HS3ST6: variants seen among roughly 807,000 people sequenced by gnomAD.
The protein encoded by HS3ST6 is heparan sulfate glucosamine 3-O-sulfotransferase 6.
In HS3ST6, 13 loss-of-function variants were observed where a neutral mutation model predicts 11.0. The ratio of observed to expected loss-of-function variants is 1.18; its 90% CI spans 0.77 to 1.88. The LOEUF is 1.88. Among genes scored for constraint, HS3ST6 ranks in the 40% most tolerant of loss-of-function variants. HS3ST6 has a pLI of 0.00. For missense variants in HS3ST6, 541 were observed against 494.4 expected (o/e 1.09, Z -0.89); for synonymous variants, 232 against 230.6 (o/e 1.01, Z -0.06).
chr16:1,912,872 A>T lies in HS3ST6; in HGVS notation c.414-667T>A, dbSNP rs2082900408. ...AGTGGTGCAATCTCGGCTCACTGCA[A>T]CCTCTGCCTCCCGGGTTCAAGCGAT... On this transcript the variant is annotated intron_variant, in intron 1 of 1. Transcript: ENST00000454677. The surrounding 1 kb of genome is among the most constrained non-coding windows in gnomAD (Gnocchi z 5.6). Among the ~76,000 whole-genome samples, 1 of 151,888 alleles carries T rather than the reference A, an allele frequency of 6.6e-6. No homozygotes were observed.
chr16:1,913,553 T>C (rs754416773), intron 1 of HS3ST6, among the ~76,000 whole-genome samples: 17 of 152,036 alleles, frequency 1.1e-4, no homozygotes, highest in Non-Finnish European at 1.6e-4. Context: ...GAGGGAGAGC[T>C]GGGGAGGGCT....
rs371371264 is a variant in HS3ST6, at chr16:1,911,974, G to A, written c.645C>T (p.Pro215=). The part of the protein sequence containing the change: ...RALAFRHGLG[P]VDTAWSAVRI... ...GGACGGCGCTCCAGGCTGTGTCCAC[G>A]GGGCCCAGGCCGTGGCGGAAGGCCA... is the stretch of plus-strand genomic sequence containing the variant. The change falls in exon 2 of 2, where the codon CCC becomes CCT. Residue 215 remains proline, a synonymous_variant. Coordinates refer to ENST00000454677, the MANE Select transcript of HS3ST6 (RefSeq NM_001009606.4). 1.4e-5 allele frequency: 22 copies of A among 1,556,258 alleles called. No homozygotes were observed. In the East Asian group the frequency reaches 1.6e-4, roughly 11 times the overall value.
At chr16:1,915,244 C>T (rs1437371642) in intron 1 of HS3ST6, among the ~76,000 whole-genome samples, 1 of 152,240 alleles carries the variant, frequency 6.6e-6, no homozygotes, top group Non-Finnish European at 1.5e-5. Context: ...CACCCCGCTC[C>T]TTGCCTCCTC....
rs572839597 is a variant in HS3ST6, at chr16:1,912,022, C to T, written c.597G>A (p.Pro199=). ...CCAGGGCGCGGAAGCTGGGCAGGCC[C>T]GGGGTCTTGGAGAGCGTCTGGGCGT... ...SDYAQTLSKT[P]GLPSFRALAF... Residue 199 remains proline, a synonymous_variant, in exon 2 of 2, where the codon CCG becomes CCA. Coordinates refer to ENST00000454677, the MANE Select transcript of HS3ST6 (RefSeq NM_001009606.4). The surrounding 1 kb of genome is among the most constrained non-coding windows in gnomAD (Gnocchi z 5.6). 104 of 1,526,856 alleles carry T rather than the reference C, an allele frequency of 6.8e-5. No homozygotes were observed. The highest frequency in any genetic ancestry group is 2.1e-4 in the South Asian group (16 of 76,780). 94.6% of individuals were successfully genotyped at this position (1,526,856 alleles called of 1,614,324 possible).
At chr16:1,916,508 C>T (rs146887956) in intron 1 of HS3ST6, among the ~76,000 whole-genome samples, 1,569 of 152,062 alleles carry the variant, frequency 0.01, 18 homozygotes, top group East Asian at 0.029. Context: ...GATCCCCCAG[C>T]GCTGGACACA....
In HS3ST6 at chr16:1,912,256, C is replaced by T. The variant is rs1262026899; in HGVS notation, c.414-51G>A. Reference sequence around the variant, plus strand: ...GGCCTGAGCCTCCCCAGCCCTAGACCGGCCCCCAGGGGCCCGGGACCAAGG... The same window carrying T: ...GGCCTGAGCCTCCCCAGCCCTAGACTGGCCCCCAGGGGCCCGGGACCAAGG... On this transcript the variant is annotated intron_variant, in intron 1 of 1. Coordinates refer to ENST00000454677, the MANE Select transcript of HS3ST6 (RefSeq NM_001009606.4). The surrounding 1 kb of genome is among the most constrained non-coding windows in gnomAD (Gnocchi z 5.6). 11 of 1,306,658 alleles carry T rather than the reference C, an allele frequency of 8.4e-6. No individual in the cohort carries two copies. Among genetic ancestry groups the T allele is most frequent in the Non-Finnish European group, 3.9e-6 (4 of 1,025,510 alleles). 80.9% of individuals were successfully genotyped at this position (1,306,658 alleles called of 1,614,324 possible).
rs762143585 is a variant in HS3ST6, at chr16:1,912,138, G to A, written c.481C>T (p.Arg161Ter). ...GCGTGGATGCGGCGGGGGGCCTCTC[G>A]CGTCACGAAGTAGCTGGGGGTCTTC... ...MEKTPSYFVT[R>*]EAPRRIHAMS... The change falls in exon 2 of 2, where the codon CGA (arginine) becomes TGA (stop). Residue 161 changes from arginine (R) to a stop codon, truncating the protein, a stop_gained. Coordinates refer to ENST00000454677, the MANE Select transcript of HS3ST6 (RefSeq NM_001009606.4). LOFTEE classifies it low-confidence loss of function (END_TRUNC). The surrounding 1 kb of genome is among the most constrained non-coding windows in gnomAD (Gnocchi z 5.6). 7.4e-6 allele frequency: 11 copies of A among 1,493,302 alleles called. No homozygotes were observed. The highest frequency in any genetic ancestry group is 2.4e-5 in the East Asian group (1 of 41,428). 92.5% of individuals were successfully genotyped at this position (1,493,302 alleles called of 1,614,324 possible).
chr16:1,914,477 C>T (rs2082912942), intron 1 of HS3ST6, among the ~76,000 whole-genome samples: 1 of 152,204 alleles, frequency 6.6e-6, no homozygotes, highest in Non-Finnish European at 1.5e-5. Flanking sequence ...CCTGCTTTTC[C>T]CCTCGGCCAG....
upstream of HS3ST6, among the ~76,000 whole-genome samples, chr16:1,918,625 G>T (rs1834101322): frequency 1.3e-5 from 2 of 152,046 alleles, no homozygotes; most frequent in South Asian, 4.1e-4. This position sits in a 1 kb window ranked among gnomAD's most constrained non-coding sequence, Gnocchi z 6.0. Context: ...CCAGGCCCTG[G>T]CTCGCTTGAC....
In HS3ST6 at chr16:1,912,310, C is replaced by G. The variant is rs2082896748; in HGVS notation, c.414-105G>C. The G allele has an allele frequency of 9.4e-7, 1 of 1,061,598 alleles. No individual in the cohort carries two copies. The highest frequency in any genetic ancestry group is 1.2e-6 in the Non-Finnish European group (1 of 822,292). 65.8% of individuals were successfully genotyped at this position (1,061,598 alleles called of 1,614,324 possible). ...CCTTATGCCCGGGAAGCCCAGGCCT[C>G]CAGGGCGAGCAAGTCTTCCTCCCTG... On this transcript the variant is annotated intron_variant, in intron 1 of 1. Transcript: ENST00000454677. The surrounding 1 kb of genome is among the most constrained non-coding windows in gnomAD (Gnocchi z 5.6).
intron 1 of HS3ST6, among the ~76,000 whole-genome samples, chr16:1,917,278 A>G (rs1657147): frequency 0.38 from 57,752 of 151,862 alleles, 11,134 homozygotes; most frequent in South Asian, 0.54. Context: ...GCTTCAGCTG[A>G]GGCTGCCGCA....
intron 1 of HS3ST6, among the ~76,000 whole-genome samples, chr16:1,917,399 A>T (rs2082933051): frequency 6.6e-6 from 1 of 152,092 alleles, no homozygotes; most frequent in Non-Finnish European, 1.5e-5. Context: ...CAAAGCCCAG[A>T]CTTTCTCCGG....
At chr16:1,917,866 T>TC in intron 1 of HS3ST6, 45 bp downstream of exon 1, 1 of 1,294,282 alleles carries the variant, frequency 7.7e-7, no homozygotes, top group Non-Finnish European at 1.0e-6. Flanking sequence ...CACGATACCC[T>TC]CCCCAGGAAG....
At position 1,912,327 on chromosome 16, in the gene HS3ST6, T is replaced by C. The variant is rs1392505079; in HGVS notation, c.414-122A>G. 1.7e-5 allele frequency: 15 copies of C among 904,070 alleles called. No individual in the cohort carries two copies. Among genetic ancestry groups the C allele is most frequent in the Non-Finnish European group, 2.1e-5 (14 of 682,028 alleles). The allele number at this position is 904,070 out of a possible 1,614,324, so 56.0% of individuals were successfully genotyped here. On this transcript the variant is annotated intron_variant, in intron 1 of 1. Transcript: ENST00000454677. The surrounding 1 kb of genome is among the most constrained non-coding windows in gnomAD (Gnocchi z 5.6). ...CCAGGCCTCCAGGGCGAGCAAGTCT[T>C]CCTCCCTGCTCGGGCCCACCCCTGC...
In HS3ST6 at chr16:1,918,260, C is replaced by T; in HGVS notation, c.64G>A (p.Gly22Arg). 10 of 998,286 alleles carry T rather than the reference C, an allele frequency of 1.0e-5. No individual in the cohort carries two copies. Among genetic ancestry groups the T allele is most frequent in the Non-Finnish European group, 1.1e-5 (9 of 837,172 alleles). 61.8% of individuals were successfully genotyped at this position (998,286 alleles called of 1,614,324 possible). Residue 22 changes from glycine (G) to arginine (R), a missense_variant, in exon 1 of 2, where the codon GGG (glycine) becomes AGG (arginine). Physicochemically the swap from Gly to Arg is moderately radical, Grantham distance 125. Transcript: ENST00000454677. The surrounding 1 kb of genome is among the most constrained non-coding windows in gnomAD (Gnocchi z 6.0). ...GCGCGGGACGCCCGCAGAGCGGCCCCTTGCCCGGCCCCTGCGCCCTGGCCG... is the reference window on the plus strand; with the variant it reads ...GCGCGGGACGCCCGCAGAGCGGCCCTTTGCCCGGCCCCTGCGCCCTGGCCG... ...GGGQGAGAGQ[G>R]AALRASRAPM...
At chr16:1,916,177 A>ACAAGGACACCCGCAG (rs1567299288) in intron 1 of HS3ST6, among the ~76,000 whole-genome samples, 111 of 152,348 alleles carry the variant, frequency 7.3e-4, no homozygotes, top group Middle Eastern at 6.8e-3. Context: ...CTCGGAGAGC[A>ACAAGGACACCCGCAG]TGAGGACACT....
rs1164345163 is a variant in HS3ST6 at position 1,918,114 on chromosome 16, G to A, written c.210C>T (p.Ser70=). 1.6e-5 allele frequency: 21 copies of A among 1,284,342 alleles called. No individual in the cohort carries two copies. Among genetic ancestry groups the A allele is most frequent in the Non-Finnish European group, 2.0e-5 (20 of 1,014,590 alleles). The allele number at this position is 1,284,342 out of a possible 1,614,324, so 79.6% of individuals were successfully genotyped here. A position where few individuals can be genotyped will look rare whatever the true frequency, so the allele number is the denominator to read the frequency against. Residue 70 remains serine, a synonymous_variant, in exon 1 of 2, where the codon TCC becomes TCT. Coordinates refer to ENST00000454677, the MANE Select transcript of HS3ST6 (RefSeq NM_001009606.4). The surrounding 1 kb of genome is among the most constrained non-coding windows in gnomAD (Gnocchi z 6.0). ...PAPAPSEPSS[S]VHRPGAPGLP... The stretch of plus-strand genomic sequence containing the variant: ...GGCCGGGTGCTCCCGGGCGGTGGAC[G>A]GAGCTGGACGGCTCGGAGGGCGCGG...
upstream of HS3ST6, among the ~76,000 whole-genome samples, chr16:1,920,753 C>T (rs546069015): frequency 1.3e-5 from 2 of 152,276 alleles, no homozygotes; most frequent in East Asian, 1.9e-4. Context: ...GCTGACCCCT[C>T]CCTCCATCAG....
At chr16:1,916,254 G>A (rs2082926388) in intron 1 of HS3ST6, among the ~76,000 whole-genome samples, 1 of 77,154 alleles carries the variant, frequency 1.3e-5, no homozygotes. Flanking sequence ...GGTCAGCACA[G>A]TTGGTCCAAG....
Sources: gnomAD v4.1 joint callset for allele counts (sites outside exome capture counted in the v4.1 genomes callset) on GRCh38, gnomAD v4.1.1 for gene constraint, Gnocchi (gnomAD v3.1) non-coding constraint, MANE v1.5 for transcripts, NCBI Gene and HGNC (gene_info 2026-07-23, HGNC 2026-07-21) for gene names.